DRP2: variants seen among roughly 807,000 people sequenced by gnomAD.
DRP2 encodes the protein dystrophin-related protein 2.
DRP2 carries 29 observed loss-of-function variants against 78.2 expected under a neutral mutation model. The observed-to-expected ratio is 0.37, with a 90% CI of 0.28 to 0.51. DRP2 has a LOEUF of 0.51. Among genes scored for constraint, DRP2 ranks in the 20% least tolerant of loss-of-function variants. The pLI is 0.94. For synonymous variants in DRP2, 290 were observed against 281.9 expected (o/e 1.03, Z -0.29); for missense variants, 686 against 770.6 (o/e 0.89, Z 1.30).
intron 4 of DRP2, 82 bp downstream of exon 4, chrX:101,236,105 C>A: frequency 3.9e-6 from 4 of 1,034,970 alleles, no homozygotes; most frequent in Non-Finnish European, 5.4e-6. Context: ...CTCCTCTCAG[C>A]CTGTGCATCC....
At chrX:101,259,322 C>T (rs771028113) in intron 22 of DRP2, among the ~76,000 whole-genome samples, 41 of 111,480 alleles carry the variant, frequency 3.7e-4, no homozygotes, top group Non-Finnish European at 7.3e-4. Flanking sequence ...CCAGATCCTC[C>T]AAGGAATGGC....
chrX:101,247,197 C>T (rs1373896673), intron 12 of DRP2, 33 bp downstream of exon 12: 2 of 1,132,389 alleles, frequency 1.8e-6, no homozygotes, highest in Non-Finnish European at 1.2e-6. Context: ...CTATGACGTT[C>T]ACCACCCCTC....
rs1478974214 is a variant in DRP2 at position 101,263,074 on chromosome X, T to C, written c.*2453T>C. 9.0e-6 allele frequency: 1 copy of C among 111,641 alleles called. No homozygotes were observed. The highest frequency in any genetic ancestry group is 1.9e-5 in the Non-Finnish European group (1 of 53,152). 9.2% of individuals were successfully genotyped at this position (111,641 alleles called of 1,213,427 possible). On this transcript the variant is annotated 3_prime_UTR_variant, in exon 24 of 24. Coordinates refer to ENST00000395209, the MANE Select transcript of DRP2 (RefSeq NM_001939.3). ...TGGACTGAAGCAGCAGGTCAAGAGT[T>C]GAATTCTCACTAAGGGGTCACTGAC...
At chrX:101,224,869 A>G (rs1922063620) in intron 2 of DRP2, among the ~76,000 whole-genome samples, 163 bp downstream of exon 2, 1 of 112,608 alleles carries the variant, frequency 8.9e-6, no homozygotes, top group Non-Finnish European at 1.9e-5. Flanking sequence ...TGTCTCAGAC[A>G]TAGTCTACTC....
At chrX:101,245,839 G>A (rs1318979632) in intron 11 of DRP2, among the ~76,000 whole-genome samples, 2 of 111,694 alleles carry the variant, frequency 1.8e-5, no homozygotes, top group Admixed American at 9.5e-5. Context: ...GATCTACGGT[G>A]CAGCATATTA....
intron 6 of DRP2, among the ~76,000 whole-genome samples, chrX:101,239,397 C>T (rs765263755): frequency 1.5e-4 from 17 of 111,941 alleles, no homozygotes; most frequent in Middle Eastern, 4.6e-3. Context: ...CAAAAAACCA[C>T]TCAAATGAAT....
rs1922462422 is a variant in DRP2 at position 101,235,441 on chromosome X, C to T, written c.118-419C>T. Reference sequence around the variant, plus strand: ...AGAAGGTTGGGTAAACTGTAGGACCCTGAAGTATGAGCCAACAGCTTACCT... The same window carrying T: ...AGAAGGTTGGGTAAACTGTAGGACCTTGAAGTATGAGCCAACAGCTTACCT... On this transcript the variant is annotated intron_variant, in intron 3 of 23. Transcript: ENST00000395209. 2.7e-5 allele frequency among the ~76,000 whole-genome samples: 3 copies of T among 112,473 alleles called. No individual in the cohort carries two copies. The South Asian group carries it at 1.1e-3, about 41-fold the overall frequency.
intron 4 of DRP2, among the ~76,000 whole-genome samples, chrX:101,236,682 A>T (rs776090600): frequency 8.9e-6 from 1 of 112,015 alleles, no homozygotes; most frequent in South Asian, 3.7e-4. Flanking sequence ...GGGGTGAGGC[A>T]TTGTGGATAA....
chrX:101,260,726 C>T lies in DRP2; in HGVS notation c.*105C>T. 3 of 1,022,518 alleles carry T rather than the reference C, an allele frequency of 2.9e-6. No homozygotes were observed. Among genetic ancestry groups the T allele is most frequent in the Non-Finnish European group, 3.9e-6 (3 of 761,887 alleles). 84.3% of individuals were successfully genotyped at this position (1,022,518 alleles called of 1,213,427 possible). A position where few individuals can be genotyped will look rare whatever the true frequency, so the allele number is the denominator to read the frequency against. On this transcript the variant is annotated 3_prime_UTR_variant, in exon 24 of 24. Coordinates refer to ENST00000395209, the MANE Select transcript of DRP2 (RefSeq NM_001939.3). ...TTCCAGTTTCCACTGGCCCCACATT[C>T]CTCAACTAGTATTATTTGGGCTCTG... is the stretch of plus-strand genomic sequence containing the variant.
At position 101,241,777 on chromosome X, in the gene DRP2, C is replaced by T. The variant is rs755893949; in HGVS notation, c.669C>T (p.His223=). The part of the protein sequence containing the change: ...EKLTARCVDQ[H]RHIERTLEQL... ...TGACAGCCCGCTGTGTGGACCAGCA[C>T]CGTCACATTGAGCGGACTCTGGAGC... Residue 223 remains histidine, a synonymous_variant, in exon 7 of 24, where the codon CAC becomes CAT. Transcript: ENST00000395209. 23 of 1,209,863 alleles carry T rather than the reference C, an allele frequency of 1.9e-5. No individual in the cohort carries two copies. Among genetic ancestry groups the T allele is most frequent in the Admixed American group, 1.1e-4 (5 of 45,716 alleles).
At chrX:101,234,651 G>A (rs1422881361) in intron 3 of DRP2, among the ~76,000 whole-genome samples, 8 of 111,505 alleles carry the variant, frequency 7.2e-5, no homozygotes, top group Admixed American at 2.8e-4. Context: ...TGGAGCTGCC[G>A]GATCCTGCTA....
chrX:101,244,936 G>A, intron 9 of DRP2, 81 bp from the exon 10 acceptor site: 2 of 954,307 alleles, frequency 2.1e-6, no homozygotes, highest in Non-Finnish European at 2.9e-6. Context: ...ACCTCTTTGG[G>A]AGAATAGAGC....
At chrX:101,253,944 A>G (rs1389275434) in intron 17 of DRP2, among the ~76,000 whole-genome samples, 1 of 110,942 alleles carries the variant, frequency 9.0e-6, no homozygotes, top group Non-Finnish European at 1.9e-5. Context: ...ATTAACAAAC[A>G]TATGCTCATT....
rs1434607738 is a variant in DRP2, at chrX:101,254,994, G to A, written c.2180+70G>A. 11 of 1,173,107 alleles carry A rather than the reference G, an allele frequency of 9.4e-6. No homozygotes were observed. The South Asian group carries it at 1.3e-4, about 14-fold the overall frequency. On this transcript the variant is annotated intron_variant, in intron 19 of 23. Coordinates refer to ENST00000395209, the MANE Select transcript of DRP2 (RefSeq NM_001939.3). The stretch of plus-strand genomic sequence containing the variant: ...GTCCGAGGGGAAAGGATCTTCAGTC[G>A]GGGCAAGGAGAATGGAGTCAGGGCC...
Position 101,250,403 on chromosome X carries a change from C to A in DRP2, c.1541-20C>A, listed in dbSNP as rs1042470029. The A allele has an allele frequency of 1.7e-5, 21 of 1,209,539 alleles. No homozygotes were observed. The highest frequency in any genetic ancestry group is 2.1e-5 in the Non-Finnish European group (19 of 895,109). On this transcript the variant is annotated intron_variant, in intron 14 of 23. Transcript: ENST00000395209. ...CATTCCTGTGTCGGGGTTGGCCATT[C>A]TTGACGGTGGGGCCAGCAGACCTCT...
At position 101,241,022 on chromosome X, in the gene DRP2, G is replaced by A. The variant is rs772203870; in HGVS notation, c.560-646G>A. 2.0e-4 allele frequency among the ~76,000 whole-genome samples: 22 copies of A among 112,148 alleles called. No individual in the cohort carries two copies. In the South Asian group the frequency reaches 2.6e-3, roughly 13 times the overall value. On this transcript the variant is annotated intron_variant, in intron 6 of 23. Transcript: ENST00000395209. ...AATGCCTCCCTTTGGCTGGAAGTGG[G>A]CAACAGAAACTAATGCAAAATCACA...
Position 101,245,007 on chromosome X carries a change from C to A in DRP2, c.1055-10C>A, listed in dbSNP as rs1446877150. The A allele has an allele frequency of 8.3e-7, 1 of 1,205,404 alleles. No individual in the cohort carries two copies. The highest frequency in any genetic ancestry group is 1.8e-5 in the South Asian group (1 of 55,709). ...CCAGCTTTTTTTCTCTTTCTCTTCTCCTTTACCAGCCTCTGTCCAGGTTCC... is the reference window on the plus strand; with the variant it reads ...CCAGCTTTTTTTCTCTTTCTCTTCTACTTTACCAGCCTCTGTCCAGGTTCC... On this transcript the variant is annotated splice_polypyrimidine_tract_variant and intron_variant, in intron 9 of 23. Coordinates refer to ENST00000395209, the MANE Select transcript of DRP2 (RefSeq NM_001939.3).
chrX:101,248,641 G>A, intron 14 of DRP2, 42 bp downstream of exon 14: 1 of 1,121,304 alleles, frequency 8.9e-7, no homozygotes, highest in Non-Finnish European at 1.2e-6. Flanking sequence ...TGGGTAGAGG[G>A]AAAGGTGTTG....
chrX:101,258,408 C>T lies in DRP2; in HGVS notation c.2490C>T (p.His830=), dbSNP rs1460436243. The T allele has an allele frequency of 2.5e-6, 3 of 1,205,318 alleles. No individual in the cohort carries two copies. The highest frequency in any genetic ancestry group is 3.5e-5 in the African/African-American group (2 of 57,182). ...GCTCCACTGAGGCAGCAACAGACCACCGCAATGAGGAGCTTCTGGCCGAGG... is the reference window on the plus strand; with the variant it reads ...GCTCCACTGAGGCAGCAACAGACCATCGCAATGAGGAGCTTCTGGCCGAGG... The part of the protein sequence containing the change: ...ADGSTEAATD[H]RNEELLAEAR... Residue 830 remains histidine (H), a synonymous_variant, in exon 22 of 24, where the codon CAC becomes CAT. Coordinates refer to ENST00000395209, the MANE Select transcript of DRP2 (RefSeq NM_001939.3).
Sources: gnomAD v4.1 joint callset for allele counts (sites outside exome capture counted in the v4.1 genomes callset) on GRCh38, gnomAD v4.1.1 for gene constraint, MANE v1.5 for transcripts, NCBI Gene and HGNC (gene_info 2026-07-23, HGNC 2026-07-21) for gene names.